PVT1: variants seen among roughly 807,000 people sequenced by gnomAD.
PVT1 encodes Pvt1 oncogene.
At chr8:127,867,806 G>C (rs1028136714) in intron 2 of PVT1, among the ~76,000 whole-genome samples, 7 of 152,162 alleles carry the variant, frequency 4.6e-5, no homozygotes, top group Admixed American at 2.0e-4. Flanking sequence ...ATCTCCGGAT[G>C]AAAATGTCCC....
At chr8:127,851,647 A>G (rs1458687128) in intron 2 of PVT1, among the ~76,000 whole-genome samples, 1 of 152,048 alleles carries the variant, frequency 6.6e-6, no homozygotes, top group African/African-American at 2.4e-5. Context: ...CTCCTTGGCA[A>G]GCAGCGGGAG....
intron 4 of PVT1, among the ~76,000 whole-genome samples, chr8:128,056,104 G>C (rs1813759455): frequency 6.6e-6 from 1 of 152,176 alleles, no homozygotes; most frequent in African/African-American, 2.4e-5. Flanking sequence ...AGTGACCTCT[G>C]AACAGAAACT....
intron 4 of PVT1, among the ~76,000 whole-genome samples, chr8:128,031,868 G>T (rs548954306): frequency 6.6e-6 from 1 of 152,098 alleles, no homozygotes; most frequent in African/African-American, 2.4e-5. Flanking sequence ...GTTTGAACCC[G>T]GGGCTCTGGT....
chr8:127,897,894 AGAAAGAAAAAAAGAC>A (rs1815705303), intron 3 of PVT1, among the ~76,000 whole-genome samples: 3 of 150,662 alleles, frequency 2.0e-5, no homozygotes, highest in African/African-American at 7.3e-5. Flanking sequence ...AAAGAAAGAA[AGAAAGAAAAAAAGAC>A]AGACAGGAAG....
chr8:128,099,319 G>A (rs1814470516), intron 6 of PVT1: 1 of 152,270 alleles, frequency 6.6e-6, no homozygotes, highest in East Asian at 1.9e-4. Context: ...TCAAAGCCAG[G>A]CGGGAGGGTC....
intron 4 of PVT1, among the ~76,000 whole-genome samples, chr8:128,003,561 G>A (rs1188237834): frequency 6.6e-6 from 1 of 152,188 alleles, no homozygotes. Context: ...GCCCAGGCTG[G>A]TCTTGAAGAT....
chr8:127,889,035 T>TCCTTCCTTCCTTCCTTCCTTC (rs1554594526), intron 2 of PVT1, among the ~76,000 whole-genome samples: 13 of 100,490 alleles, frequency 1.3e-4, no homozygotes, highest in Admixed American at 2.3e-4. Context: ...TTTCTCTCTT[T>TCCTTCCTTCCTTCCTTCCTTC]CTTTCTTCCT....
chr8:127,814,063 A>G (rs893508017), intron 2 of PVT1, among the ~76,000 whole-genome samples: 1 of 152,334 alleles, frequency 6.6e-6, no homozygotes, highest in South Asian at 2.1e-4. Context: ...GATTACAGGC[A>G]TGAACCACCG....
chr8:127,965,291 C>T (rs1350130847), intron 3 of PVT1, among the ~76,000 whole-genome samples: 1 of 152,206 alleles, frequency 6.6e-6, no homozygotes. Context: ...CCCAAGTTCA[C>T]CAATGAAAAA....
chr8:128,044,011 A>ATTTTTTTTTTTTTTTTT (rs66807418), intron 4 of PVT1, among the ~76,000 whole-genome samples: 2 of 97,916 alleles, frequency 2.0e-5, no homozygotes, highest in Non-Finnish European at 2.3e-5. Flanking sequence ...ATTATTATTT[A>ATTTTTTTTTTTTTTTTT]TTTATTTTTT....
chr8:127,921,782 C>T (rs1816061210), intron 3 of PVT1, among the ~76,000 whole-genome samples: 1 of 147,010 alleles, frequency 6.8e-6, no homozygotes, highest in Non-Finnish European at 1.5e-5. Flanking sequence ...CACTGCACTC[C>T]AGCCTGGGTG....
intron 3 of PVT1, among the ~76,000 whole-genome samples, chr8:127,935,050 T>G (rs1014587333): frequency 6.6e-6 from 1 of 152,052 alleles, no homozygotes; most frequent in African/African-American, 2.4e-5. Flanking sequence ...CACAGCAACC[T>G]CTGCCTCCCA....
chr8:127,832,592 C>T (rs192066221), intron 2 of PVT1, among the ~76,000 whole-genome samples: 1,721 of 152,346 alleles, frequency 0.011, 17 homozygotes, highest in Middle Eastern at 0.024. Context: ...GGTGTGGTGG[C>T]TCACGCCTGT....
At chr8:127,882,468 G>A (rs1337454870) in intron 2 of PVT1, among the ~76,000 whole-genome samples, 1 of 151,966 alleles carries the variant, frequency 6.6e-6, no homozygotes, top group Non-Finnish European at 1.5e-5. Flanking sequence ...CGTCTTTTTG[G>A]CATCAGTTTT....
intron 4 of PVT1, chr8:127,989,435 C>A (rs890404367): frequency 6.6e-6 from 1 of 152,046 alleles, no homozygotes; most frequent in East Asian, 1.9e-4. Context: ...GAAGCTGGCT[C>A]CCCATAACCT....
chr8:128,098,189 C>T (rs1814452978), intron 6 of PVT1, among the ~76,000 whole-genome samples: 1 of 152,076 alleles, frequency 6.6e-6, no homozygotes, highest in Non-Finnish European at 1.5e-5. Flanking sequence ...GGGCTGGGCT[C>T]AGGGGTTGGG....
At chr8:127,883,314 T>C (rs536567173) in intron 2 of PVT1, among the ~76,000 whole-genome samples, 3 of 152,300 alleles carry the variant, frequency 2.0e-5, no homozygotes, top group South Asian at 4.1e-4. Context: ...AAAGCATCCA[T>C]CTGCCCGTCC....
At chr8:127,977,888 C>T (rs762241063) in intron 3 of PVT1, among the ~76,000 whole-genome samples, 1 of 152,178 alleles carries the variant, frequency 6.6e-6, no homozygotes, top group Non-Finnish European at 1.5e-5. Context: ...TGTTCATCTC[C>T]CCTGGTTGCA....
chr8:128,005,859 T>C (rs1165621046), intron 4 of PVT1, among the ~76,000 whole-genome samples: 1 of 152,116 alleles, frequency 6.6e-6, no homozygotes, highest in Non-Finnish European at 1.5e-5. Flanking sequence ...ATGCCAGCAC[T>C]TTGGGAGGCC....
Sources: gnomAD v4.1 joint callset for allele counts (sites outside exome capture counted in the v4.1 genomes callset) on GRCh38, gnomAD v4.1.1 for gene constraint, MANE v1.5 for transcripts, NCBI Gene and HGNC (gene_info 2026-07-23, HGNC 2026-07-21) for gene names.